Variants in CNTNAP2 observed in about 807,000 individuals in gnomAD.
CNTNAP2 encodes the protein contactin associated protein 2, also known as contactin-associated protein-like 2.
CNTNAP2 carries 98 observed loss-of-function variants against 155.2 expected under a neutral mutation model. That is an observed-to-expected ratio of 0.63 (90% CI 0.54 to 0.75). The LOEUF (loss-of-function observed/expected upper bound fraction) is 0.75. Among genes scored for constraint, CNTNAP2 ranks in the 30% least tolerant of loss-of-function variants. CNTNAP2 has a pLI of 0.00. For synonymous variants in CNTNAP2, 651 were observed against 631.2 expected, an observed-to-expected ratio of 1.03 and a Z score of -0.47; for missense variants, 1,727 against 1,688.1, an observed-to-expected ratio of 1.02 and a Z score of -0.40.
At chr7:147,859,744 G>A (rs1799105723) in intron 13 of CNTNAP2, among the ~76,000 whole-genome samples, 1 of 152,102 alleles carries the variant, frequency 6.6e-6, no homozygotes, top group Admixed American at 6.5e-5. Flanking sequence ...TTCTTCTCAA[G>A]AGCAAAGTAA....
chr7:146,284,106 TC>T (rs1800292058), intron 1 of CNTNAP2, among the ~76,000 whole-genome samples: 1 of 152,208 alleles, frequency 6.6e-6, no homozygotes, highest in South Asian at 2.1e-4. Context: ...TGTTATTAAA[TC>T]TGACTTTGTA....
intron 2 of CNTNAP2, among the ~76,000 whole-genome samples, chr7:146,777,468 G>T (rs993021596): frequency 1.3e-5 from 2 of 152,234 alleles, no homozygotes; most frequent in South Asian, 2.1e-4. Flanking sequence ...TGTTGGCCAC[G>T]TAAATGTGGG....
chr7:148,095,425 C>T (rs556598175), intron 15 of CNTNAP2, among the ~76,000 whole-genome samples: 2 of 152,298 alleles, frequency 1.3e-5, no homozygotes, highest in Admixed American at 6.5e-5. Flanking sequence ...TTCAAAATAA[C>T]GGTACTTCGA....
intron 14 of CNTNAP2, among the ~76,000 whole-genome samples, chr7:147,963,297 A>G (rs750784897): frequency 1.3e-5 from 2 of 152,174 alleles, no homozygotes; most frequent in Non-Finnish European, 1.5e-5. Flanking sequence ...TTAACAATCT[A>G]TGTCAACCAT....
chr7:146,305,320 G>A (rs755971023), intron 1 of CNTNAP2, among the ~76,000 whole-genome samples: 10 of 152,100 alleles, frequency 6.6e-5, no homozygotes, highest in East Asian at 1.9e-4. Context: ...CGTTGCTGGC[G>A]AGGAACTGCA....
intron 4 of CNTNAP2, among the ~76,000 whole-genome samples, chr7:147,060,662 G>A (rs1799646954): frequency 1.3e-5 from 2 of 152,096 alleles, no homozygotes; most frequent in African/African-American, 2.4e-5. Context: ...AGGAGATAGA[G>A]ACCATCTGGC....
chr7:147,301,764 T>C (rs1165720711), intron 9 of CNTNAP2, among the ~76,000 whole-genome samples: 2 of 152,106 alleles, frequency 1.3e-5, no homozygotes. Context: ...TAAATATTTA[T>C]GAAAGACTTA....
At chr7:147,422,238 T>C (rs1333144622) in intron 10 of CNTNAP2, among the ~76,000 whole-genome samples, 6 of 149,346 alleles carry the variant, frequency 4.0e-5, no homozygotes, top group African/African-American at 1.5e-4. Flanking sequence ...ATAGTGTGTA[T>C]ATAGTATACT....
intron 1 of CNTNAP2, among the ~76,000 whole-genome samples, chr7:146,617,013 G>GTTTT (rs202142671): frequency 2.5e-4 from 28 of 113,042 alleles, no homozygotes; most frequent in African/African-American, 1.2e-3. Flanking sequence ...AGGAAACCTG[G>GTTTT]TTTTTTTGTT....
At chr7:146,161,184 A>AT (rs1798215683) in intron 1 of CNTNAP2, among the ~76,000 whole-genome samples, 1 of 152,254 alleles carries the variant, frequency 6.6e-6, no homozygotes, top group African/African-American at 2.4e-5. Context: ...TAAACTAGGT[A>AT]TTGATGGGAC....
intron 12 of CNTNAP2, among the ~76,000 whole-genome samples, chr7:147,597,537 A>T (rs550166626): frequency 6.6e-6 from 1 of 152,296 alleles, no homozygotes; most frequent in South Asian, 2.1e-4. Flanking sequence ...TTTGAAGGTC[A>T]AGTCCATGTC....
chr7:148,253,009 CATAG>C (rs59679982), intron 20 of CNTNAP2, among the ~76,000 whole-genome samples: 3,513 of 141,900 alleles, frequency 0.025, 64 homozygotes, highest in African/African-American at 0.058. Flanking sequence ...TAGATAGATA[CATAG>C]ATAGATAGAT....
chr7:147,351,542 A>G (rs1221789743), intron 9 of CNTNAP2, among the ~76,000 whole-genome samples: 1 of 151,842 alleles, frequency 6.6e-6, no homozygotes, highest in Non-Finnish European at 1.5e-5. Flanking sequence ...TAATATATAT[A>G]AAACAGTAGT....
chr7:147,885,168 A>C (rs73743369), intron 13 of CNTNAP2, among the ~76,000 whole-genome samples: 1,680 of 152,298 alleles, frequency 0.011, 45 homozygotes, highest in African/African-American at 0.037. Flanking sequence ...TAAGTATTTT[A>C]ATGTCATCAA....
At chr7:147,341,368 C>A (rs972234905) in intron 9 of CNTNAP2, among the ~76,000 whole-genome samples, 2 of 151,950 alleles carry the variant, frequency 1.3e-5, no homozygotes, top group Admixed American at 6.6e-5. Context: ...AGCAAACCAA[C>A]ATGGCATGTG....
intron 13 of CNTNAP2, among the ~76,000 whole-genome samples, chr7:147,878,933 A>C (rs552443940): frequency 1.3e-5 from 2 of 152,124 alleles, no homozygotes; most frequent in Non-Finnish European, 2.9e-5. Flanking sequence ...TGCACATTGC[A>C]TTTGGATGGG....
At chr7:146,510,666 C>T (rs1213179214) in intron 1 of CNTNAP2, among the ~76,000 whole-genome samples, 1 of 151,858 alleles carries the variant, frequency 6.6e-6, no homozygotes, top group East Asian at 1.9e-4. Flanking sequence ...TTTCTTTTGT[C>T]AGTATAATTT....
At chr7:146,189,911 C>T (rs768002847) in intron 1 of CNTNAP2, among the ~76,000 whole-genome samples, 1 of 152,078 alleles carries the variant, frequency 6.6e-6, no homozygotes, top group African/African-American at 2.4e-5. Flanking sequence ...AAATACTGTC[C>T]AATCACTCTG....
At chr7:147,128,946 T>C (rs1249245475) in intron 7 of CNTNAP2, 110 bp downstream of exon 7, 3 of 1,428,418 alleles carry the variant, frequency 2.1e-6, no homozygotes, top group Non-Finnish European at 3.0e-6. Flanking sequence ...CATATTTGTG[T>C]TTGGGCAAAA....
Sources: allele counts gnomAD v4.1 joint callset (sites outside exome capture counted in the v4.1 genomes callset), GRCh38; gene constraint gnomAD v4.1.1; transcripts MANE v1.5; gene names NCBI Gene and HGNC (gene_info 2026-07-23, HGNC 2026-07-21).